The following PRKG2 variants were observed in gnomAD, a reference collection of about 807,000 sequenced individuals.
PRKG2 encodes cGMP-dependent protein kinase 2.
In PRKG2, 33 loss-of-function variants were observed where a neutral mutation model predicts 97.2. The observed-to-expected ratio is 0.34, with a 90% CI of 0.26 to 0.45. The LOEUF is 0.45. Among genes scored for constraint, PRKG2 ranks in the 20% least tolerant of loss-of-function variants. The probability of loss-of-function intolerance (pLI) is 1.00; values close to 1 mark genes in which losing one functional copy is unlikely to be tolerated. For synonymous variants in PRKG2, 330 were observed against 321.8 expected (o/e 1.03, Z -0.27); for missense variants, 638 against 900.0 (o/e 0.71, Z 3.73).
At chr4:81,170,676 A>G (rs541150463) in intron 4 of PRKG2, among the ~76,000 whole-genome samples, 7 of 152,208 alleles carry the variant, frequency 4.6e-5, no homozygotes, top group African/African-American at 1.7e-4. Context: ...TATGTAATTC[A>G]GAAGGAAACC....
At chr4:81,170,013 C>T (rs17005076) in intron 4 of PRKG2, among the ~76,000 whole-genome samples, 16,572 of 151,936 alleles carry the variant, frequency 0.11, 1,104 homozygotes, top group Middle Eastern at 0.21. Flanking sequence ...AATTATGTTA[C>T]AGTTAGGATG....
intron 14 of PRKG2, 113 bp downstream of exon 14, chr4:81,135,042 C>T (rs369520012): frequency 8.6e-5 from 92 of 1,067,044 alleles, no homozygotes; most frequent in East Asian, 4.7e-4. Flanking sequence ...GGCCATACTG[C>T]CAAAGAGAGA....
At chr4:81,194,923 C>CATATAT (rs35157306) in intron 2 of PRKG2, among the ~76,000 whole-genome samples, 4,531 of 151,306 alleles carry the variant, frequency 0.03, 216 homozygotes, top group African/African-American at 0.099. Context: ...TTTTAATATA[C>CATATAT]ATATATATAT....
intron 14 of PRKG2, among the ~76,000 whole-genome samples, 170 bp from the exon 15 acceptor site, chr4:81,110,781 A>AGACG (rs1560544230): frequency 1.7e-5 from 2 of 114,680 alleles, no homozygotes; most frequent in African/African-American, 6.4e-5. Context: ...ACAGACGGAC[A>AGACG]GACAGACAAA....
chr4:81,211,241 A>G (rs1056845056), intron 1 of PRKG2, among the ~76,000 whole-genome samples: 4 of 152,202 alleles, frequency 2.6e-5, no homozygotes, highest in South Asian at 4.1e-4. Context: ...CACATGTACC[A>G]TACTGATGAA....
intron 17 of PRKG2, among the ~76,000 whole-genome samples, chr4:81,098,978 G>GT (rs1203600086): frequency 1.3e-5 from 2 of 152,166 alleles, no homozygotes; most frequent in African/African-American, 2.4e-5. Flanking sequence ...GCAAGGTGCA[G>GT]TAAGTAAAGC....
chr4:81,176,552 C>T (rs1246817591), intron 2 of PRKG2, among the ~76,000 whole-genome samples: 1 of 152,160 alleles, frequency 6.6e-6, no homozygotes, highest in African/African-American at 2.4e-5. Context: ...CTCCAGCTTT[C>T]GCAGACTTTA....
chr4:81,161,872 C>A (rs1200608271), intron 6 of PRKG2, among the ~76,000 whole-genome samples: 1 of 151,778 alleles, frequency 6.6e-6, no homozygotes, highest in Non-Finnish European at 1.5e-5. Context: ...CATTAAAGTC[C>A]CTTTTGCCAT....
intron 5 of PRKG2, among the ~76,000 whole-genome samples, chr4:81,168,322 T>C (rs544782139): frequency 5.9e-5 from 9 of 152,192 alleles, no homozygotes; most frequent in Middle Eastern, 3.4e-3. Flanking sequence ...AACCACTAAA[T>C]CAACAATATT....
chr4:81,211,149 T>C (rs959104415), intron 1 of PRKG2, among the ~76,000 whole-genome samples: 1 of 152,142 alleles, frequency 6.6e-6, no homozygotes, highest in South Asian at 2.1e-4. Flanking sequence ...TCAAAACCCA[T>C]GGAATATACA....
chr4:81,139,781 C>CAAAAA (rs548249378), intron 12 of PRKG2, among the ~76,000 whole-genome samples: 12 of 75,318 alleles, frequency 1.6e-4, no homozygotes, highest in African/African-American at 2.8e-4. Flanking sequence ...TCTCAAAAGA[C>CAAAAA]AAAAAAAAAA....
chr4:81,144,351 A>G, intron 9 of PRKG2, 21 bp from the exon 10 acceptor site: 3 of 1,569,554 alleles, frequency 1.9e-6, no homozygotes, highest in Non-Finnish European at 2.6e-6. Context: ...AGAATAAAGT[A>G]AAATGCTCCG....
chr4:81,097,526 G>C (rs1314395281), intron 17 of PRKG2, among the ~76,000 whole-genome samples: 1 of 152,154 alleles, frequency 6.6e-6, no homozygotes, highest in Non-Finnish European at 1.5e-5. Flanking sequence ...GAGTTAATCT[G>C]TTCTTCGGAG....
chr4:81,162,575 C>T (rs185960897), intron 6 of PRKG2, among the ~76,000 whole-genome samples: 22 of 152,268 alleles, frequency 1.4e-4, no homozygotes, highest in East Asian at 3.9e-4. Context: ...GTTATGTTAA[C>T]GAGTGACAAA....
intron 2 of PRKG2, among the ~76,000 whole-genome samples, chr4:81,185,040 T>G (rs936246980): frequency 6.6e-6 from 1 of 152,190 alleles, no homozygotes; most frequent in African/African-American, 2.4e-5. Context: ...TGGAACCAAG[T>G]TGGAAAACAC....
chr4:81,105,772 G>T, intron 16 of PRKG2, 41 bp downstream of exon 16: 1 of 1,605,660 alleles, frequency 6.2e-7, no homozygotes, highest in South Asian at 1.1e-5. Context: ...GAAGCCTTTA[G>T]ACTTTCTTCA....
At chr4:81,121,188 T>C (rs1745033207) in intron 14 of PRKG2, among the ~76,000 whole-genome samples, 1 of 152,192 alleles carries the variant, frequency 6.6e-6, no homozygotes, top group Non-Finnish European at 1.5e-5. Context: ...TGTTGGATTC[T>C]GTTTGCCAAT....
chr4:81,163,043 T>G (rs1749699007), intron 6 of PRKG2, among the ~76,000 whole-genome samples: 1 of 152,166 alleles, frequency 6.6e-6, no homozygotes, highest in South Asian at 2.1e-4. Flanking sequence ...AAGGGGATAC[T>G]GAGGAAGACC....
intron 2 of PRKG2, among the ~76,000 whole-genome samples, chr4:81,177,148 T>C (rs1274079833): frequency 3.3e-5 from 5 of 152,192 alleles, no homozygotes; most frequent in African/African-American, 1.2e-4. Flanking sequence ...TGATTTTAAA[T>C]GGATGCTGCA....
Sources: gnomAD v4.1 joint callset for allele counts (sites outside exome capture counted in the v4.1 genomes callset) on GRCh38, gnomAD v4.1.1 for gene constraint, MANE v1.5 for transcripts, NCBI Gene and HGNC (gene_info 2026-07-23, HGNC 2026-07-21) for gene names.